The following FREM3 variants were observed in gnomAD, a reference collection of about 807,000 sequenced individuals.
FREM3 encodes FRAS1-related extracellular matrix protein 3.
Under a neutral mutation model 129.1 loss-of-function variants are expected in FREM3, and 105 were observed. That is an observed-to-expected ratio of 0.81 (90% confidence interval 0.69 to 0.96). The LOEUF is 0.96. Among genes scored for constraint, FREM3 ranks in the 40% least tolerant of loss-of-function variants. The pLI is 0.00. For synonymous variants in FREM3, 1,014 were observed against 1,044.9 expected (o/e 0.97, Z 0.57); for missense variants, 2,593 against 2,666.3 (o/e 0.97, Z 0.61).
intron 2 of FREM3, among the ~76,000 whole-genome samples, chr4:143,674,816 G>T (rs1740077464): frequency 6.6e-6 from 1 of 152,178 alleles, no homozygotes; most frequent in African/African-American, 2.4e-5. Flanking sequence ...TAATGGTAAA[G>T]GGATCAATTC....
chr4:143,597,092 C>T (rs961814625), intron 6 of FREM3, among the ~76,000 whole-genome samples: 5 of 151,882 alleles, frequency 3.3e-5, no homozygotes, highest in East Asian at 3.9e-4. Context: ...GGAGAAAGAC[C>T]GAGTGACAGG....
In FREM3 at chr4:143,695,969, A is replaced by G. The variant is rs943845142; in HGVS notation, c.4707T>C (p.Asp1569=). ...GGGTGATGGTAAAGAGAATAAGGTC[A>G]TCTGGGGTATCACTGTCTTCCACTG... The part of the protein sequence containing the change: ...ELTVEDSDTP[D]DLILFTITQV... The change falls in exon 1 of 8, where the codon GAT becomes GAC. Residue 1569 remains aspartate, a synonymous_variant. Transcript: ENST00000329798. 11 of 1,537,774 alleles carry G rather than the reference A, an allele frequency of 7.2e-6. No individual in the cohort carries two copies. The highest frequency in any genetic ancestry group is 9.6e-6 in the Non-Finnish European group (11 of 1,147,066).
chr4:143,664,567 C>G (rs7693325), intron 2 of FREM3, among the ~76,000 whole-genome samples: 1 of 152,034 alleles, frequency 6.6e-6, no homozygotes, highest in Non-Finnish European at 1.5e-5. Context: ...GCAGTCTGCC[C>G]GTTCTCAGAT....
chr4:143,679,402 C>G (rs1740210559), intron 2 of FREM3, among the ~76,000 whole-genome samples: 1 of 152,074 alleles, frequency 6.6e-6, no homozygotes, highest in African/African-American at 2.4e-5. Flanking sequence ...AAAAAATTGC[C>G]TACAGCAACA....
intron 2 of FREM3, among the ~76,000 whole-genome samples, chr4:143,691,725 T>C (rs1451539501): frequency 6.6e-6 from 1 of 152,160 alleles, no homozygotes; most frequent in African/African-American, 2.4e-5. Context: ...CAGAAAAAAG[T>C]TAAAACATGG....
intron 6 of FREM3, among the ~76,000 whole-genome samples, chr4:143,591,733 A>T (rs1738366760): frequency 6.6e-6 from 1 of 152,052 alleles, no homozygotes; most frequent in African/African-American, 2.4e-5. Flanking sequence ...TGGGGTGGAG[A>T]GTTCTGTAGA....
chr4:143,688,273 AAAAT>A (rs1006609395), intron 2 of FREM3, among the ~76,000 whole-genome samples: 7 of 152,200 alleles, frequency 4.6e-5, no homozygotes, highest in African/African-American at 1.7e-4. Context: ...ATAGCTGCAA[AAAAT>A]AAATAAATAA....
rs55880735 is a variant in FREM3 at position 143,615,707 on chromosome 4, C to CAAA, written c.5780-4183_5780-4181dup. On this transcript the variant is annotated intron_variant, in intron 5 of 7. Coordinates refer to ENST00000329798, the MANE Select transcript of FREM3 (RefSeq NM_001168235.2). ...AAGTGTAGGGAATATCGTCAAGTGT[C>CAAA]AAAAAAAAAACAAAAACCCAAAAAC... Among the ~76,000 whole-genome samples the CAAA allele has an allele frequency of 6.5e-3, 898 of 138,860 alleles. 8 individuals are homozygous for CAAA. Among genetic ancestry groups the CAAA allele is most frequent in the African/African-American group, 0.025 (848 of 33,812 alleles). 91.1% of individuals were successfully genotyped at this position (138,860 alleles called of 152,430 possible). A position where few individuals can be genotyped will look rare whatever the true frequency, so the allele number is the denominator to read the frequency against.
chr4:143,598,645 T>C (rs1175673996), intron 6 of FREM3, among the ~76,000 whole-genome samples: 1 of 152,212 alleles, frequency 6.6e-6, no homozygotes, highest in African/African-American at 2.4e-5. Flanking sequence ...TCTTGAACTC[T>C]CCTACCAGTT....
intron 5 of FREM3, among the ~76,000 whole-genome samples, chr4:143,611,889 A>C (rs910286625): frequency 6.6e-6 from 1 of 152,186 alleles, no homozygotes; most frequent in Non-Finnish European, 1.5e-5. Flanking sequence ...ACAGCATGAA[A>C]ATAGTATCGA....
At chr4:143,609,139 C>G (rs1738714091) in intron 6 of FREM3, among the ~76,000 whole-genome samples, 1 of 152,102 alleles carries the variant, frequency 6.6e-6, no homozygotes, top group Non-Finnish European at 1.5e-5. Flanking sequence ...GCCAAGGTTA[C>G]CCAGAGAGAG....
chr4:143,675,588 C>T lies in FREM3; in HGVS notation c.5275+17525G>A, dbSNP rs1364342297. 1.1e-3 allele frequency among the ~76,000 whole-genome samples: 165 copies of T among 152,088 alleles called. 1 individual carries two copies. Among genetic ancestry groups the T allele is most frequent in the African/African-American group, 3.9e-3 (161 of 41,428 alleles). Reference sequence around the variant, plus strand: ...AGACACAAAAAACCCTTCAAAAAATCAATGGATCCAGGAGCTGGTTTTTTG... The same window carrying T: ...AGACACAAAAAACCCTTCAAAAAATTAATGGATCCAGGAGCTGGTTTTTTG... On this transcript the variant is annotated intron_variant, in intron 2 of 7. Transcript: ENST00000329798.
At chr4:143,614,807 T>C (rs1390391130) in intron 5 of FREM3, among the ~76,000 whole-genome samples, 1 of 152,184 alleles carries the variant, frequency 6.6e-6, no homozygotes, top group Non-Finnish European at 1.5e-5. Context: ...ATTCCCATCA[T>C]AGCCAACTTC....
chr4:143,640,032 GCT>G (rs1739297451), intron 2 of FREM3, among the ~76,000 whole-genome samples: 3 of 152,254 alleles, frequency 2.0e-5, no homozygotes, highest in Admixed American at 2.0e-4. Flanking sequence ...AAGTTCTCAT[GCT>G]GTTTCACATC....
intron 2 of FREM3, among the ~76,000 whole-genome samples, chr4:143,659,245 A>AC (rs1739657920): frequency 6.9e-6 from 1 of 144,438 alleles, no homozygotes; most frequent in African/African-American, 2.6e-5. Flanking sequence ...CCTCCCCCCT[A>AC]CCCCCACCAA....
Position 143,659,562 on chromosome 4 carries a change from A to T in FREM3, c.5276-31802T>A, listed in dbSNP as rs572777747. On this transcript the variant is annotated intron_variant, in intron 2 of 7. Transcript: ENST00000329798. Reference sequence around the variant, plus strand: ...AACATACGTGTGCATGTGTCTTTATAGCAGCATGATTTATATTCCTTTGGG... The same window carrying T: ...AACATACGTGTGCATGTGTCTTTATTGCAGCATGATTTATATTCCTTTGGG... Among the ~76,000 whole-genome samples, 217 of 150,242 alleles carry T rather than the reference A, an allele frequency of 1.4e-3. 1 individual carries two copies. The highest frequency in any genetic ancestry group is 4.7e-3 in the African/African-American group (190 of 40,270).
Position 143,697,867 on chromosome 4 carries a change from TG to T in FREM3, c.2808del (p.Asn937MetfsTer21). Reference sequence around the variant, plus strand: ...ATCCTAGGACTTCTGTTAGCCACATTGGGATGCACAGAAATTGGGATGGTGA... The same window carrying T: ...ATCCTAGGACTTCTGTTAGCCACATTGGATGCACAGAAATTGGGATGGTGA... ...IPITIPISVH[P>X]NVANRSPRIS... On this transcript the variant is annotated frameshift_variant, in exon 1 of 8. Transcript: ENST00000329798. LOFTEE classifies it high-confidence loss of function. 3 of 1,537,854 alleles carry T rather than the reference TG, an allele frequency of 2.0e-6. No homozygotes were observed. The highest frequency in any genetic ancestry group is 2.6e-6 in the Non-Finnish European group (3 of 1,147,046).
chr4:143,650,849 G>A (rs1739498645), intron 2 of FREM3, among the ~76,000 whole-genome samples: 1 of 152,148 alleles, frequency 6.6e-6, no homozygotes, highest in African/African-American at 2.4e-5. Flanking sequence ...CCTCTCCAGT[G>A]TACAGGCTTC....
intron 2 of FREM3, among the ~76,000 whole-genome samples, chr4:143,634,191 A>G (rs886796415): frequency 6.6e-6 from 1 of 152,152 alleles, no homozygotes; most frequent in Non-Finnish European, 1.5e-5. Flanking sequence ...CTCATCAGAT[A>G]TTTGGATATA....
Sources: allele counts gnomAD v4.1 joint callset (sites outside exome capture counted in the v4.1 genomes callset), GRCh38; gene constraint gnomAD v4.1.1; transcripts MANE v1.5; gene names NCBI Gene and HGNC (gene_info 2026-07-23, HGNC 2026-07-21).